The following OPCML variants were observed in gnomAD, a reference collection of about 807,000 sequenced individuals.
OPCML encodes opioid-binding protein/cell adhesion molecule.
In OPCML, 13 loss-of-function variants were observed where a neutral mutation model predicts 37.8. That is an observed-to-expected ratio of 0.34 (90% CI 0.22 to 0.55). The LOEUF (loss-of-function observed/expected upper bound fraction) is 0.55, where lower values mean the gene tolerates loss of function less well. Ranked by LOEUF, OPCML falls within the 20% of genes least tolerant of loss-of-function variation. The pLI, the probability that OPCML is intolerant of heterozygous loss-of-function variation, is 0.91. For synonymous variants in OPCML, 176 were observed against 168.8 expected (o/e 1.04, Z -0.33); for missense variants, 341 against 435.6 (o/e 0.78, Z 1.93).
intron 2 of OPCML, among the ~76,000 whole-genome samples, chr11:132,827,238 C>A (rs560339658): frequency 1.3e-5 from 2 of 152,170 alleles, no homozygotes; most frequent in East Asian, 3.9e-4. Flanking sequence ...ACAATTGACC[C>A]AATTTTAAAG....
intron 2 of OPCML, among the ~76,000 whole-genome samples, chr11:132,732,155 T>G (rs1161833794): frequency 6.6e-6 from 1 of 152,144 alleles, no homozygotes; most frequent in Non-Finnish European, 1.5e-5. Context: ...ACATACTAGT[T>G]AGGAGAATAT....
chr11:133,188,477 A>T (rs1453056816), intron 1 of OPCML, among the ~76,000 whole-genome samples: 5 of 151,914 alleles, frequency 3.3e-5, no homozygotes, highest in Non-Finnish European at 7.4e-5. Context: ...AAAAAGGAAA[A>T]ATAAAAGGGA....
chr11:133,314,127 T>A (rs1182454918), intron 1 of OPCML, among the ~76,000 whole-genome samples: 2 of 144,424 alleles, frequency 1.4e-5, no homozygotes, highest in East Asian at 2.1e-4. Flanking sequence ...CCCAGCTACT[T>A]GGGAGGCTGA....
intron 1 of OPCML, among the ~76,000 whole-genome samples, chr11:133,166,623 T>C (rs951945501): frequency 5.3e-5 from 8 of 152,202 alleles, no homozygotes; most frequent in African/African-American, 1.7e-4. Context: ...GTTGCCTGCA[T>C]AGGTGTGCGA....
intron 1 of OPCML, among the ~76,000 whole-genome samples, chr11:133,269,297 A>C (rs2136475618): frequency 6.6e-6 from 1 of 152,310 alleles, no homozygotes; most frequent in Middle Eastern, 3.4e-3. Flanking sequence ...GAAACAAACA[A>C]ACAAACAAAC....
intron 1 of OPCML, among the ~76,000 whole-genome samples, chr11:132,981,725 G>T (rs1321477270): frequency 6.6e-6 from 1 of 152,112 alleles, no homozygotes; most frequent in Admixed American, 6.5e-5. Context: ...TTAGAAAAAG[G>T]GTTAAACGTA....
At chr11:133,400,084 C>T (rs1945369641) in intron 1 of OPCML, among the ~76,000 whole-genome samples, 1 of 152,052 alleles carries the variant, frequency 6.6e-6, no homozygotes, top group Non-Finnish European at 1.5e-5. Flanking sequence ...ATTTTTAGAC[C>T]TATTCATTAG....
At chr11:133,448,062 T>C (rs1565639059) in intron 1 of OPCML, among the ~76,000 whole-genome samples, 2 of 152,248 alleles carry the variant, frequency 1.3e-5, no homozygotes. Context: ...TGTATTATTT[T>C]TTCCTTTGTG....
chr11:132,697,880 C>T (rs535892282), intron 2 of OPCML, among the ~76,000 whole-genome samples: 24 of 152,160 alleles, frequency 1.6e-4, no homozygotes, highest in Admixed American at 8.5e-4. Flanking sequence ...ATCCTCTCAC[C>T]TTAGCCTCCT....
chr11:132,632,241 ATTTTTTTTTTTTTTT>A lies in OPCML; in HGVS notation c.379+24831_379+24845del, dbSNP rs67176157. ...GCCTCAGGCATCTTTATTCAAACAC[ATTTTTTTTTTTTTTT>A]TTTTTTTTTGGAGGGAGCAAGGAGG... is the stretch of plus-strand genomic sequence containing the variant. On this transcript the variant is annotated intron_variant, in intron 3 of 7. Coordinates refer to ENST00000524381, the MANE Select transcript of OPCML (RefSeq NM_001012393.5). Among the ~76,000 whole-genome samples the A allele has an allele frequency of 2.7e-5, 3 of 111,584 alleles. No individual in the cohort carries two copies. The South Asian group carries it at 8.8e-4, about 33-fold the overall frequency. The allele number at this position is 111,584 out of a possible 152,430, so 73.2% of individuals were successfully genotyped here. A position where few individuals can be genotyped will look rare whatever the true frequency, so the allele number is the denominator to read the frequency against.
At chr11:132,918,713 A>T (rs1163953596) in intron 2 of OPCML, among the ~76,000 whole-genome samples, 1 of 152,212 alleles carries the variant, frequency 6.6e-6, no homozygotes. Flanking sequence ...TTACCAGAGG[A>T]CATTTAAGTT....
intron 4 of OPCML, among the ~76,000 whole-genome samples, chr11:132,475,156 C>T (rs1248160053): frequency 6.6e-6 from 1 of 152,124 alleles, no homozygotes; most frequent in African/African-American, 2.4e-5. Context: ...TTATGAAAGC[C>T]CTCCAAATAC....
intron 2 of OPCML, among the ~76,000 whole-genome samples, chr11:132,770,578 C>T (rs979852432): frequency 6.6e-6 from 1 of 152,088 alleles, no homozygotes; most frequent in Admixed American, 6.5e-5. Context: ...GATTTTCCTA[C>T]CAGGTGGCTA....
intron 2 of OPCML, among the ~76,000 whole-genome samples, chr11:132,660,052 TAGAACATA>T (rs1401708327): frequency 6.6e-6 from 1 of 152,140 alleles, no homozygotes; most frequent in African/African-American, 2.4e-5. Flanking sequence ...ATAAAATTGA[TAGAACATA>T]AATATAGAGC....
At chr11:133,371,925 A>G (rs1944683670) in intron 1 of OPCML, among the ~76,000 whole-genome samples, 1 of 152,200 alleles carries the variant, frequency 6.6e-6, no homozygotes, top group African/African-American at 2.4e-5. Context: ...CAGGCACAGA[A>G]AGACAAATAT....
chr11:132,531,684 C>T (rs929954059), intron 3 of OPCML, among the ~76,000 whole-genome samples: 1 of 151,602 alleles, frequency 6.6e-6, no homozygotes, highest in African/African-American at 2.4e-5. Flanking sequence ...ATATTTTACC[C>T]AAATACATGC....
chr11:132,564,103 A>G (rs1437817517), intron 3 of OPCML, among the ~76,000 whole-genome samples: 2 of 152,316 alleles, frequency 1.3e-5, no homozygotes, highest in Middle Eastern at 3.4e-3. Context: ...TGGAAAGTTG[A>G]TGATGTTCTG....
intron 1 of OPCML, among the ~76,000 whole-genome samples, chr11:133,064,513 G>A (rs1259455763): frequency 2.0e-5 from 3 of 152,218 alleles, no homozygotes; most frequent in Admixed American, 2.0e-4. Context: ...GACTGTCGCT[G>A]GCGTCCTCAG....
intron 3 of OPCML, among the ~76,000 whole-genome samples, chr11:132,584,906 G>T (rs2096469293): frequency 6.6e-6 from 1 of 152,272 alleles, no homozygotes; most frequent in East Asian, 1.9e-4. Context: ...CTAAAGTAAG[G>T]TATGGAAGCA....
Sources: allele counts gnomAD v4.1 joint callset (sites outside exome capture counted in the v4.1 genomes callset), GRCh38; gene constraint gnomAD v4.1.1; transcripts MANE v1.5; gene names NCBI Gene and HGNC (gene_info 2026-07-23, HGNC 2026-07-21).